Variants in INO80 observed in about 807,000 individuals in gnomAD.
The protein encoded by INO80 is INO80 complex ATPase subunit, also known as chromatin-remodeling ATPase INO80.
Under a neutral mutation model 203.4 loss-of-function variants are expected in INO80, and 20 were observed. The observed-to-expected ratio is 0.10, with a 90% CI of 0.07 to 0.14. The LOEUF (loss-of-function observed/expected upper bound fraction) is 0.14. Among genes scored for constraint, INO80 ranks in the 10% least tolerant of loss-of-function variants. The pLI is 1.00. For synonymous variants in INO80, 726 were observed against 685.2 expected (o/e 1.06, Z -0.93); for missense variants, 1,419 against 1,914.4 (o/e 0.74, Z 4.83).
intron 1 of INO80, among the ~76,000 whole-genome samples, chr15:41,097,998 TTTTG>T (rs1178444260): frequency 5.3e-5 from 8 of 152,082 alleles, no homozygotes; most frequent in East Asian, 1.9e-4. Flanking sequence ...TGATAAGTTT[TTTTG>T]TTTATTTGTG....
At chr15:41,073,637 A>C (rs2045358153) in intron 10 of INO80, 142 bp from the exon 11 acceptor site, 2 of 702,890 alleles carry the variant, frequency 2.8e-6, no homozygotes, top group Admixed American at 2.1e-5. Flanking sequence ...GAGAAAGGCT[A>C]AATTCTCAGA....
At chr15:41,088,100 T>TTTTC (rs1273685086) in intron 5 of INO80, among the ~76,000 whole-genome samples, 1 of 146,642 alleles carries the variant, frequency 6.8e-6, no homozygotes, top group African/African-American at 2.5e-5. Context: ...TTTTTTTTTT[T>TTTTC]TTTTTTTTTG....
At chr15:41,040,644 G>A (rs1322100427) in intron 24 of INO80, among the ~76,000 whole-genome samples, 13 of 152,222 alleles carry the variant, frequency 8.5e-5, no homozygotes, top group East Asian at 3.9e-4. Flanking sequence ...GGCTGAGGCC[G>A]GAGGATTGTT....
At chr15:41,004,497 T>C (rs1044320425) in intron 28 of INO80, 1 of 152,240 alleles carries the variant, frequency 6.6e-6, no homozygotes, top group African/African-American at 2.4e-5. Context: ...TCTGATTTAC[T>C]GACATTAAGA....
At chr15:41,038,602 G>T (rs1034165188) in intron 24 of INO80, among the ~76,000 whole-genome samples, 2 of 152,088 alleles carry the variant, frequency 1.3e-5, no homozygotes, top group Admixed American at 6.6e-5. Context: ...CTTGAACTCT[G>T]GCTTTTTGAA....
chr15:41,109,881 G>A (rs898106076), intron 1 of INO80, among the ~76,000 whole-genome samples: 13 of 151,198 alleles, frequency 8.6e-5, no homozygotes, highest in African/African-American at 3.2e-4. Flanking sequence ...GCAGTGAACC[G>A]AGATAGTACC....
intron 14 of INO80, among the ~76,000 whole-genome samples, chr15:41,069,044 T>C (rs2045269382): frequency 6.6e-6 from 1 of 152,230 alleles, no homozygotes; most frequent in African/African-American, 2.4e-5. Context: ...CGAGTATCCA[T>C]TTATCAGGCT....
rs189862919 is a variant in INO80 at position 41,061,602 on chromosome 15, G to A, written c.1783-1676C>T. 2.2e-3 allele frequency among the ~76,000 whole-genome samples: 340 copies of A among 151,508 alleles called. 1 individual carries two copies. Among genetic ancestry groups the A allele is most frequent in the African/African-American group, 7.6e-3 (313 of 41,326 alleles). ...CGTGCCACTGCACTCCAGCCTGGGC[G>A]ACAGAGTGAGACTGTGTTTCAAAAA... On this transcript the variant is annotated intron_variant, in intron 14 of 35. Transcript: ENST00000648947.
At chr15:41,063,010 GGATCTCCT>G (rs1335151175) in intron 14 of INO80, among the ~76,000 whole-genome samples, 1 of 152,118 alleles carries the variant, frequency 6.6e-6, no homozygotes, top group Non-Finnish European at 1.5e-5. Flanking sequence ...ACATTTCTCA[GGATCTCCT>G]GAGCGCTGTC....
intron 24 of INO80, among the ~76,000 whole-genome samples, chr15:41,032,742 G>C (rs973501346): frequency 1.1e-4 from 17 of 152,118 alleles, no homozygotes; most frequent in Admixed American, 7.2e-4. Flanking sequence ...GAACTGTAGA[G>C]TATATAAAAT....
chr15:41,079,144 AAAAAAT>A (rs2045446893), intron 9 of INO80, among the ~76,000 whole-genome samples: 1 of 152,090 alleles, frequency 6.6e-6, no homozygotes, highest in South Asian at 2.1e-4. Flanking sequence ...TCTCAAAACA[AAAAAAT>A]AAATAAAACA....
intron 1 of INO80, among the ~76,000 whole-genome samples, chr15:41,099,037 G>C (rs1183603572): frequency 6.6e-6 from 1 of 151,720 alleles, no homozygotes; most frequent in African/African-American, 2.4e-5. Flanking sequence ...TTGAGCCCAG[G>C]AGTTTGAGAC....
intron 5 of INO80, among the ~76,000 whole-genome samples, chr15:41,088,761 T>C (rs1363302096): frequency 5.9e-5 from 9 of 152,218 alleles, no homozygotes; most frequent in Non-Finnish European, 1.3e-4. Context: ...GACTGAAAGA[T>C]TAACATGGGG....
intron 21 of INO80, 97 bp downstream of exon 21, chr15:41,049,190 C>T: frequency 1.0e-6 from 1 of 997,884 alleles, no homozygotes; most frequent in Non-Finnish European, 1.4e-6. Context: ...TGTCTCATTG[C>T]TGGGAACTCA....
chr15:41,029,098 T>C (rs1175223509), intron 24 of INO80, among the ~76,000 whole-genome samples: 1 of 152,234 alleles, frequency 6.6e-6, no homozygotes, highest in Non-Finnish European at 1.5e-5. Context: ...AAAATAACCA[T>C]GTAGATGAAG....
chr15:40,983,504 G>A (rs1449291175), intron 34 of INO80, among the ~76,000 whole-genome samples: 5 of 152,144 alleles, frequency 3.3e-5, no homozygotes. Flanking sequence ...AGTGAGGAAA[G>A]GCCCAGAAAA....
intron 1 of INO80, among the ~76,000 whole-genome samples, chr15:41,114,493 G>A (rs1455746129): frequency 6.6e-6 from 1 of 151,952 alleles, no homozygotes; most frequent in African/African-American, 2.4e-5. Context: ...CGGATCACTT[G>A]AGGTCAGGAG....
chr15:41,006,297 A>G (rs1342009856), intron 27 of INO80, among the ~76,000 whole-genome samples: 1 of 152,134 alleles, frequency 6.6e-6, no homozygotes, highest in East Asian at 1.9e-4. Flanking sequence ...TACAATAGAG[A>G]GACTGCCTCT....
chr15:40,980,263 C>T lies in INO80; in HGVS notation c.4631G>A (p.Arg1544Gln), dbSNP rs369169160. The change falls in exon 36 of 36, where the codon CGG (arginine) becomes CAG (glutamine). Residue 1544 changes from arginine (R) to glutamine (Q), a missense_variant. Transcript: ENST00000648947. ...GGGGTTGGTGCCTTTGCCCTGTTTC[C>T]GGACCAGAGAGTCTGGGGCTAGGCT... ...TSSLAPDSLV[R>Q]KQGKGTNPSG... is the part of the protein sequence containing the mutation. The T allele has an allele frequency of 2.4e-5, 38 of 1,613,214 alleles. No individual in the cohort carries two copies. Among genetic ancestry groups the T allele is most frequent in the Admixed American group, 1.5e-4 (9 of 60,002 alleles).
Sources: allele counts gnomAD v4.1 joint callset (sites outside exome capture counted in the v4.1 genomes callset), GRCh38; gene constraint gnomAD v4.1.1; transcripts MANE v1.5; gene names NCBI Gene and HGNC (gene_info 2026-07-23, HGNC 2026-07-21).